ENTREP2: variants seen among roughly 807,000 people sequenced by gnomAD.
The protein encoded by ENTREP2 is endosomal transmembrane epsin interactor 2, also known as protein ENTREP2.
chr15:29,625,837 T>C, the ENTREP2 span, among the ~76,000 whole-genome samples: 68 of 152,154 alleles, frequency 4.5e-4, no homozygotes, highest in Admixed American at 1.4e-3. Flanking sequence ...TTTTAGCTAT[T>C]TAAAAAACAA....
chr15:29,317,764 T>C, the ENTREP2 span, among the ~76,000 whole-genome samples: 19 of 152,100 alleles, frequency 1.2e-4, no homozygotes, highest in Non-Finnish European at 2.2e-4. Context: ...CCAACCCACC[T>C]CAAAGAGGCA....
chr15:29,636,808 T>C, the ENTREP2 span, among the ~76,000 whole-genome samples: 1 of 152,304 alleles, frequency 6.6e-6, no homozygotes, highest in African/African-American at 2.4e-5. Context: ...TATAGCTAAA[T>C]ATATTCCAGA....
chr15:29,403,879 A>T, the ENTREP2 span, among the ~76,000 whole-genome samples: 4 of 151,996 alleles, frequency 2.6e-5, no homozygotes, highest in Admixed American at 6.5e-5. Context: ...GAATCCGCAC[A>T]CTCTCAGCCC....
At chr15:29,555,410 C>G in the ENTREP2 span, among the ~76,000 whole-genome samples, 1 of 152,134 alleles carries the variant, frequency 6.6e-6, no homozygotes, top group Non-Finnish European at 1.5e-5. Context: ...TTTTGGTACT[C>G]TGTATTTCCA....
chr15:29,638,740 G>A, the ENTREP2 span, among the ~76,000 whole-genome samples: 2 of 152,286 alleles, frequency 1.3e-5, no homozygotes, highest in African/African-American at 4.8e-5. Flanking sequence ...GCCGGGCGTG[G>A]CTGTTGCCTA....
chr15:29,204,177 C>T, the ENTREP2 span, among the ~76,000 whole-genome samples: 2 of 152,144 alleles, frequency 1.3e-5, no homozygotes, highest in Admixed American at 6.5e-5. Context: ...TCATTGGGAA[C>T]GACACCGCAG....
At chr15:29,207,243 T>C in the ENTREP2 span, among the ~76,000 whole-genome samples, 1 of 152,100 alleles carries the variant, frequency 6.6e-6, no homozygotes. Flanking sequence ...CGTGGAAGCA[T>C]TTGGACTGGC....
At chr15:29,179,211 T>G in the ENTREP2 span, among the ~76,000 whole-genome samples, 3 of 152,252 alleles carry the variant, frequency 2.0e-5, no homozygotes, top group Non-Finnish European at 4.4e-5. Context: ...GTAAATAGTA[T>G]GAATATTCTT....
chr15:29,486,656 C>T, the ENTREP2 span, among the ~76,000 whole-genome samples: 3 of 152,192 alleles, frequency 2.0e-5, no homozygotes, highest in African/African-American at 7.2e-5. Context: ...TACATCTGCG[C>T]TCCAGCCTGG....
the ENTREP2 span, among the ~76,000 whole-genome samples, chr15:29,616,403 A>G: frequency 3.9e-5 from 6 of 152,032 alleles, no homozygotes; most frequent in Non-Finnish European, 8.8e-5. Context: ...CAGAGGGCTC[A>G]CCACTCCACA....
chr15:29,545,153 G>C, the ENTREP2 span, among the ~76,000 whole-genome samples: 2 of 152,226 alleles, frequency 1.3e-5, no homozygotes, highest in Non-Finnish European at 2.9e-5. Context: ...CTCACACACT[G>C]TAAGGACTAT....
At chr15:29,661,624 G>A in the ENTREP2 span, among the ~76,000 whole-genome samples, 1 of 152,102 alleles carries the variant, frequency 6.6e-6, no homozygotes, top group African/African-American at 2.4e-5. Context: ...GTAACATTAG[G>A]TTGACTGTTA....
the ENTREP2 span, among the ~76,000 whole-genome samples, chr15:29,328,500 A>C: frequency 6.6e-6 from 1 of 152,208 alleles, no homozygotes; most frequent in African/African-American, 2.4e-5. Context: ...TCTACGAAAC[A>C]ACCTCACTGA....
chr15:29,292,714 T>C, the ENTREP2 span, among the ~76,000 whole-genome samples: 1 of 152,086 alleles, frequency 6.6e-6, no homozygotes, highest in Non-Finnish European at 1.5e-5. Flanking sequence ...AACACAGAAG[T>C]GTGTACTAAG....
At chr15:29,442,570 T>C in the ENTREP2 span, among the ~76,000 whole-genome samples, 2 of 152,178 alleles carry the variant, frequency 1.3e-5, no homozygotes, top group Admixed American at 6.5e-5. Context: ...GGAAAACACA[T>C]GTTCCAGGGA....
chr15:29,338,742 A>T, the ENTREP2 span, among the ~76,000 whole-genome samples: 1 of 152,174 alleles, frequency 6.6e-6, no homozygotes, highest in Non-Finnish European at 1.5e-5. Flanking sequence ...ACGGGAGTAA[A>T]CTGGTTTTCT....
the ENTREP2 span, among the ~76,000 whole-genome samples, chr15:29,645,508 G>A: frequency 6.6e-6 from 1 of 152,132 alleles, no homozygotes; most frequent in African/African-American, 2.4e-5. Context: ...ACAGTAGCTT[G>A]TTCATGGTGG....
chr15:29,662,877 C>T, the ENTREP2 span, among the ~76,000 whole-genome samples: 1 of 151,994 alleles, frequency 6.6e-6, no homozygotes, highest in Non-Finnish European at 1.5e-5. Context: ...TGCACCACCA[C>T]GCCTGGCTAA....
At chr15:29,176,117 C>T in the ENTREP2 span, among the ~76,000 whole-genome samples, 1 of 152,242 alleles carries the variant, frequency 6.6e-6, no homozygotes, top group Non-Finnish European at 1.5e-5. Flanking sequence ...CCTTTCGCCT[C>T]TTGAGTACTT....
Sources: gnomAD v4.1 joint callset for allele counts (sites outside exome capture counted in the v4.1 genomes callset) on GRCh38, gnomAD v4.1.1 for gene constraint, MANE v1.5 for transcripts, NCBI Gene and HGNC (gene_info 2026-07-23, HGNC 2026-07-21) for gene names.